The following UBFD1 variants were observed in gnomAD, a reference collection of about 807,000 sequenced individuals.
UBFD1 encodes ubiquitin family domain containing 1.
UBFD1 carries 12 observed loss-of-function variants against 35.1 expected under a neutral mutation model. That is an observed-to-expected ratio of 0.34 (90% CI 0.22 to 0.55). The LOEUF is 0.55. Among genes scored for constraint, UBFD1 ranks in the 20% least tolerant of loss-of-function variants. The probability of loss-of-function intolerance (pLI) is 0.89; values close to 1 mark genes in which losing one functional copy is unlikely to be tolerated. For missense variants in UBFD1, 337 were observed against 410.8 expected (o/e 0.82, Z 1.55); for synonymous variants, 178 against 167.6 (o/e 1.06, Z -0.48).
intron 5 of UBFD1, among the ~76,000 whole-genome samples, chr16:23,563,394 T>C (rs1446611367): frequency 6.6e-6 from 1 of 152,094 alleles, no homozygotes; most frequent in Non-Finnish European, 1.5e-5. Context: ...GGATCAGCCT[T>C]GCTGTTTGCT....
At chr16:23,566,853 C>T (rs1480824611) in intron 5 of UBFD1, 134 bp from the exon 6 acceptor site, 1 of 797,410 alleles carries the variant, frequency 1.3e-6, no homozygotes, top group African/African-American at 1.7e-5. Flanking sequence ...CGTGTTGTCC[C>T]CAGAGGGCAT....
chr16:23,565,092 T>C (rs1034434857), intron 5 of UBFD1: 12 of 152,270 alleles, frequency 7.9e-5, no homozygotes, highest in African/African-American at 2.9e-4. Flanking sequence ...TGCCCAGTCC[T>C]GTTACCTAAG....
intron 2 of UBFD1, among the ~76,000 whole-genome samples, chr16:23,558,802 A>G (rs1462392679): frequency 7.1e-6 from 1 of 140,560 alleles, no homozygotes; most frequent in East Asian, 2.1e-4. Context: ...TTTTTTTGAG[A>G]CGGAGTCTTG....
chr16:23,566,394 T>C (rs577015784), intron 5 of UBFD1: 4 of 152,170 alleles, frequency 2.6e-5, no homozygotes, highest in Non-Finnish European at 5.9e-5. Context: ...GGAGTTTCGC[T>C]CTTTGGCCCA....
rs1965857698 is a variant in UBFD1 at position 23,558,285 on chromosome 16, TC to T, written c.355+8del. On this transcript the variant is annotated splice_region_variant and intron_variant, in intron 2 of 6. Transcript: ENST00000395878. ...GAAGATCCACTCGATTACAGGTAAT[TC>T]CTGTGGCGCTGACAGCCAGTCTTCC... The T allele has an allele frequency of 6.3e-7, 1 of 1,593,328 alleles. No individual in the cohort carries two copies. The highest frequency in any genetic ancestry group is 8.5e-7 in the Non-Finnish European group (1 of 1,170,726).
intron 6 of UBFD1, 146 bp from the exon 7 acceptor site, chr16:23,570,334 G>T: frequency 1.6e-6 from 1 of 637,316 alleles, no homozygotes; most frequent in Non-Finnish European, 2.8e-6. Context: ...GTTTTTGGTT[G>T]GGAGAATGCT....
At chr16:23,564,735 A>T (rs2058124904) in intron 5 of UBFD1, 1 of 152,222 alleles carries the variant, frequency 6.6e-6, no homozygotes, top group African/African-American at 2.4e-5. Flanking sequence ...CTAAGTCTGT[A>T]AGTGCTCATT....
intron 5 of UBFD1, chr16:23,564,367 T>G (rs1965981247): frequency 6.6e-6 from 1 of 152,242 alleles, no homozygotes; most frequent in South Asian, 2.1e-4. Context: ...GATAACTTGC[T>G]ATTTTCTTCA....
chr16:23,562,367 T>A, intron 4 of UBFD1, 96 bp downstream of exon 4: 1 of 523,986 alleles, frequency 1.9e-6, no homozygotes, highest in Non-Finnish European at 2.8e-6. Context: ...TTTTTCCCTG[T>A]TTTTTTTTTT....
intron 3 of UBFD1, 177 bp from the exon 4 acceptor site, chr16:23,562,029 T>A: frequency 1.7e-6 from 1 of 585,286 alleles, no homozygotes; most frequent in Non-Finnish European, 3.0e-6. Flanking sequence ...ATATTCGCCC[T>A]CCCAGAAAGT....
chr16:23,558,359 C>G, intron 2 of UBFD1, 80 bp downstream of exon 2: 1 of 1,519,666 alleles, frequency 6.6e-7, no homozygotes. Flanking sequence ...CACCTGGTGG[C>G]TTTCCTTGCA....
chr16:23,558,046 G>A lies in UBFD1; in HGVS notation c.122G>A (p.Gly41Glu). The A allele has an allele frequency of 7.5e-7, 1 of 1,339,220 alleles. No homozygotes were observed. The highest frequency in any genetic ancestry group is 9.5e-7 in the Non-Finnish European group (1 of 1,048,672). The allele number at this position is 1,339,220 out of a possible 1,614,324, so 83.0% of individuals were successfully genotyped here. ...VNCLEAEAAA[G>E]AAAEDSGAAR... Reference sequence around the variant, plus strand: ...TGCCTGGAGGCTGAAGCCGCGGCGGGGGCGGCGGCCGAGGACTCCGGCGCC... The same window carrying A: ...TGCCTGGAGGCTGAAGCCGCGGCGGAGGCGGCGGCCGAGGACTCCGGCGCC... Residue 41 changes from glycine to glutamate, a missense_variant, in exon 2 of 7, where the codon GGG (glycine) becomes GAG (glutamate). Physicochemically the swap from Gly to Glu is moderately conservative, Grantham distance 98. Around this residue, in one of 4 missense-constraint regions of UBFD1, gnomAD observed 198 missense variants for 168.4 expected, o/e 1.18. Coordinates refer to ENST00000395878, the MANE Select transcript of UBFD1 (RefSeq NM_019116.3).
rs5816219 is a variant in UBFD1, at chr16:23,561,823, A to ATT, written c.565-367_565-366dup. The stretch of plus-strand genomic sequence containing the variant: ...TGATGGTTTAATCATTTCAGTGGTG[A>ATT]TTTTTTTTTTTTTTTTTGAGGGGAG... On this transcript the variant is annotated intron_variant, in intron 3 of 6. Coordinates refer to ENST00000395878, the MANE Select transcript of UBFD1 (RefSeq NM_019116.3). 5.3e-4 allele frequency: 75 copies of ATT among 142,720 alleles called. 1 individual carries two copies. The highest frequency in any genetic ancestry group is 8.0e-4 in the African/African-American group (30 of 37,574). The allele number at this position is 142,720 out of a possible 1,614,324, so 8.8% of individuals were successfully genotyped here. A position where few individuals can be genotyped will look rare whatever the true frequency, so the allele number is the denominator to read the frequency against.
chr16:23,558,105 C>A lies in UBFD1; in HGVS notation c.181C>A (p.Pro61Thr). The A allele has an allele frequency of 1.3e-6, 2 of 1,562,146 alleles. No homozygotes were observed. Among genetic ancestry groups the A allele is most frequent in the Non-Finnish European group, 8.6e-7 (1 of 1,158,382 alleles). Residue 61 changes from proline to threonine, a missense_variant, in exon 2 of 7, where the codon CCC becomes ACC. Transcript: ENST00000395878. ...CAGCCTGCAGCCGGCCCCGGCCCAGCCCCCTGGGGACCCCGCAGCCCAGGC... is the reference window on the plus strand; with the variant it reads ...CAGCCTGCAGCCGGCCCCGGCCCAGACCCCTGGGGACCCCGCAGCCCAGGC... ...RGSLQPAPAQ[P>T]PGDPAAQASV...
At chr16:23,563,854 C>G (rs1340194109) in intron 5 of UBFD1, among the ~76,000 whole-genome samples, 2 of 152,220 alleles carry the variant, frequency 1.3e-5, no homozygotes, top group South Asian at 2.1e-4. Context: ...CCTGGAATGC[C>G]TTTTTCCCAT....
chr16:23,558,783 A>AT (rs5816218), intron 2 of UBFD1, among the ~76,000 whole-genome samples: 2,484 of 136,958 alleles, frequency 0.018, 29 homozygotes, highest in South Asian at 0.03. Flanking sequence ...TCTTTTTCCT[A>AT]TTTTTTTTTT....
chr16:23,568,600 C>T (rs543775613), intron 6 of UBFD1: 11 of 151,500 alleles, frequency 7.3e-5, no homozygotes, highest in Admixed American at 7.2e-4. Flanking sequence ...GTGGGCGGAT[C>T]ATGAGGTCAG....
chr16:23,558,002 T>C lies in UBFD1; in HGVS notation c.78T>C (p.Ala26=). 1 of 1,364,158 alleles carries C rather than the reference T, an allele frequency of 7.3e-7. No homozygotes were observed. The highest frequency in any genetic ancestry group is 9.4e-7 in the Non-Finnish European group (1 of 1,062,450). The allele number at this position is 1,364,158 out of a possible 1,614,324, so 84.5% of individuals were successfully genotyped here. A position where few individuals can be genotyped will look rare whatever the true frequency, so the allele number is the denominator to read the frequency against. ...AGGCCGAGACTGTGGCTACTGAGGC[T>C]CCCGCGCGGCCCGTCAACTGCCTGG... The part of the protein sequence containing the change: ...DTEAETVATE[A]PARPVNCLEA... The change falls in exon 2 of 7, where the codon GCT becomes GCC. Residue 26 remains alanine, a synonymous_variant. Coordinates refer to ENST00000395878, the MANE Select transcript of UBFD1 (RefSeq NM_019116.3).
At chr16:23,560,815 G>A (rs144623812) in intron 3 of UBFD1, among the ~76,000 whole-genome samples, 1 of 152,258 alleles carries the variant, frequency 6.6e-6, no homozygotes, top group Non-Finnish European at 1.5e-5. Context: ...TATCTAAAAG[G>A]TGTTGATTTG....
Sources: gnomAD v4.1 joint callset for allele counts (sites outside exome capture counted in the v4.1 genomes callset) on GRCh38, gnomAD v4.1.1 for gene constraint, gnomAD v4.1.1 regional missense constraint, MANE v1.5 for transcripts, NCBI Gene and HGNC (gene_info 2026-07-23, HGNC 2026-07-21) for gene names.